KCNH1: variants seen among roughly 807,000 people sequenced by gnomAD.
KCNH1 encodes the protein potassium voltage-gated channel subfamily H member 1.
Under a neutral mutation model 69.2 loss-of-function variants are expected in KCNH1, and 27 were observed. The observed-to-expected ratio is 0.39, with a 90% confidence interval of 0.29 to 0.54. The LOEUF is 0.54. Ranked by LOEUF, KCNH1 falls within the 20% of genes least tolerant of loss-of-function variation. The pLI is 0.68. For missense variants in KCNH1, 798 were observed against 1,261.6 expected, an observed-to-expected ratio of 0.63 and a Z score of 5.57; for synonymous variants, 456 against 487.7, an observed-to-expected ratio of 0.93 and a Z score of 0.86.
At chr1:210,899,014 C>A (rs1277261511) in intron 7 of KCNH1, among the ~76,000 whole-genome samples, 1 of 152,188 alleles carries the variant, frequency 6.6e-6, no homozygotes, top group Non-Finnish European at 1.5e-5. Flanking sequence ...TCTCATTAGT[C>A]ACTTGTTCAG....
At chr1:210,737,348 C>G (rs951454803) in intron 10 of KCNH1, among the ~76,000 whole-genome samples, 1 of 152,176 alleles carries the variant, frequency 6.6e-6, no homozygotes, top group Non-Finnish European at 1.5e-5. Context: ...TTGACCCTTT[C>G]TCTTCCAGTA....
chr1:210,717,602 G>T (rs1682292115), intron 10 of KCNH1, among the ~76,000 whole-genome samples: 1 of 152,164 alleles, frequency 6.6e-6, no homozygotes, highest in African/African-American at 2.4e-5. Context: ...TTGCTGGTGT[G>T]GTGAAGTAAC....
intron 3 of KCNH1, among the ~76,000 whole-genome samples, chr1:211,093,657 A>T (rs1195435988): frequency 6.6e-6 from 1 of 152,200 alleles, no homozygotes; most frequent in Non-Finnish European, 1.5e-5. Flanking sequence ...TTGTAACAAA[A>T]ATTCATACAA....
chr1:210,861,201 AAC>A, intron 7 of KCNH1: 10 of 971,264 alleles, frequency 1.0e-5, no homozygotes, highest in Non-Finnish European at 1.7e-5. Context: ...GCATCTGTAT[AAC>A]ACATCAATGG....
intron 7 of KCNH1, among the ~76,000 whole-genome samples, chr1:210,819,954 A>G (rs893528939): frequency 6.6e-6 from 1 of 152,252 alleles, no homozygotes; most frequent in African/African-American, 2.4e-5. Flanking sequence ...GGAGATGCAC[A>G]TCATGTGAGG....
intron 5 of KCNH1, among the ~76,000 whole-genome samples, chr1:211,072,376 G>A (rs886967534): frequency 3.9e-5 from 6 of 152,194 alleles, no homozygotes; most frequent in African/African-American, 1.4e-4. Context: ...GTCCTTCAGA[G>A]GGATTGAGAA....
chr1:210,951,856 T>G (rs1157269061), intron 6 of KCNH1, among the ~76,000 whole-genome samples: 1 of 152,148 alleles, frequency 6.6e-6, no homozygotes, highest in African/African-American at 2.4e-5. Flanking sequence ...AGCTATATGA[T>G]GCACACTGTT....
chr1:211,000,052 T>C (rs1334456271), intron 6 of KCNH1, among the ~76,000 whole-genome samples: 4 of 152,158 alleles, frequency 2.6e-5, no homozygotes, highest in African/African-American at 9.7e-5. Context: ...CCACAGCCAA[T>C]ATCATACTGA....
chr1:210,981,747 T>G (rs76809600), intron 6 of KCNH1, among the ~76,000 whole-genome samples: 1 of 152,164 alleles, frequency 6.6e-6, no homozygotes, highest in Non-Finnish European at 1.5e-5. Context: ...TTGTGGAGAC[T>G]TTTTTTCTAC....
chr1:210,773,711 C>A (rs1683798011), intron 10 of KCNH1, among the ~76,000 whole-genome samples: 1 of 152,148 alleles, frequency 6.6e-6, no homozygotes, highest in African/African-American at 2.4e-5. Context: ...CTTTAGCTGT[C>A]CCCCTCCTTT....
intron 9 of KCNH1, among the ~76,000 whole-genome samples, chr1:210,785,378 A>G (rs1457037630): frequency 6.6e-6 from 1 of 151,008 alleles, no homozygotes; most frequent in Non-Finnish European, 1.5e-5. Context: ...TATTTACATT[A>G]TCTCTGCTCT....
At chr1:210,776,768 A>C (rs1683869492) in intron 9 of KCNH1, among the ~76,000 whole-genome samples, 1 of 152,170 alleles carries the variant, frequency 6.6e-6, no homozygotes, top group Admixed American at 6.5e-5. Flanking sequence ...TACTAATCCC[A>C]TATAGCCATA....
intron 6 of KCNH1, among the ~76,000 whole-genome samples, chr1:210,941,102 A>G (rs568755497): frequency 6.6e-6 from 1 of 152,314 alleles, no homozygotes; most frequent in African/African-American, 2.4e-5. Flanking sequence ...ACAGAACAGC[A>G]CCAACATTAG....
chr1:211,004,100 A>C (rs904754071), intron 6 of KCNH1, among the ~76,000 whole-genome samples: 2 of 152,190 alleles, frequency 1.3e-5, no homozygotes, highest in Non-Finnish European at 2.9e-5. Flanking sequence ...TCAAAAAAGA[A>C]AAAAGAAAAA....
intron 7 of KCNH1, among the ~76,000 whole-genome samples, chr1:210,893,717 C>T (rs1321714260): frequency 6.6e-6 from 1 of 152,076 alleles, no homozygotes; most frequent in East Asian, 1.9e-4. Context: ...TTTGCAGACT[C>T]CAATTATATG....
At chr1:210,902,670 G>A (rs1020486487) in intron 7 of KCNH1, among the ~76,000 whole-genome samples, 1 of 152,116 alleles carries the variant, frequency 6.6e-6, no homozygotes, top group Non-Finnish European at 1.5e-5. Context: ...AGCCCGTGGT[G>A]AAGTGGGCCC....
intron 5 of KCNH1, among the ~76,000 whole-genome samples, chr1:211,035,876 A>G (rs531283148): frequency 6.6e-6 from 1 of 152,318 alleles, no homozygotes; most frequent in African/African-American, 2.4e-5. Flanking sequence ...TATTCCTCAG[A>G]AAGATTTCCC....
In KCNH1 at chr1:211,048,258, A is replaced by G. The variant is rs143000607; in HGVS notation, c.559-29002T>C. ...GTGAATGTTAACTAGTACAATCACT[A>G]TGGAAAACAGTGTGGAGATTCCTTA... On this transcript the variant is annotated intron_variant, in intron 5 of 10. Coordinates refer to ENST00000271751, the MANE Select transcript of KCNH1 (RefSeq NM_172362.3). Among the ~76,000 whole-genome samples, 1,364 of 152,364 alleles carry G rather than the reference A, an allele frequency of 9.0e-3. 14 individuals are homozygous for G. The highest frequency in any genetic ancestry group is 0.023 in the South Asian group (109 of 4,828).
At chr1:210,869,451 T>G (rs1686186177) in intron 7 of KCNH1, among the ~76,000 whole-genome samples, 1 of 151,670 alleles carries the variant, frequency 6.6e-6, no homozygotes, top group Non-Finnish European at 1.5e-5. Flanking sequence ...TTAGGTCTAT[T>G]TCTGTTAACT....
Sources: gnomAD v4.1 joint callset for allele counts (sites outside exome capture counted in the v4.1 genomes callset) on GRCh38, gnomAD v4.1.1 for gene constraint, MANE v1.5 for transcripts, NCBI Gene and HGNC (gene_info 2026-07-23, HGNC 2026-07-21) for gene names.